The following STS variants were observed in gnomAD, a reference collection of about 807,000 sequenced individuals.
STS encodes the protein steroid sulfatase.
STS carries 7 observed loss-of-function variants against 26.8 expected under a neutral mutation model. The ratio of observed to expected loss-of-function variants is 0.26; its 90% CI spans 0.15 to 0.49. The LOEUF (loss-of-function observed/expected upper bound fraction) is 0.49, where lower values mean the gene tolerates loss of function less well. Among genes scored for constraint, STS ranks in the 20% least tolerant of loss-of-function variants. The probability of loss-of-function intolerance (pLI) is 0.98; values close to 1 mark genes in which losing one functional copy is unlikely to be tolerated. For synonymous variants in STS, 199 were observed against 189.4 expected (o/e 1.05, Z -0.42); for missense variants, 434 against 465.6 (o/e 0.93, Z 0.63).
At chrX:7,173,405 G>A (rs146227985) in intron 1 of STS, among the ~76,000 whole-genome samples, 8,101 of 111,223 alleles carry the variant, frequency 0.073, 241 homozygotes, top group Middle Eastern at 0.12. Context: ...GAACATACAC[G>A]TGCATGTATC....
intron 6 of STS, among the ~76,000 whole-genome samples, chrX:7,266,492 A>G (rs1389954800): frequency 2.7e-5 from 3 of 111,814 alleles, no homozygotes; most frequent in African/African-American, 6.5e-5. Context: ...AGAATGTATA[A>G]CCATCCACTC....
chrX:7,324,838 C>G (rs757821481), intron 8 of STS, among the ~76,000 whole-genome samples: 19 of 111,678 alleles, frequency 1.7e-4, no homozygotes, highest in Non-Finnish European at 2.8e-4. Flanking sequence ...ATATTAGATC[C>G]ACTCAGACAA....
intron 6 of STS, among the ~76,000 whole-genome samples, chrX:7,272,115 T>G (rs189139469): frequency 9.1e-6 from 1 of 109,546 alleles, no homozygotes; most frequent in East Asian, 2.9e-4. Flanking sequence ...CCAGAAAAAC[T>G]TATTAGTATT....
chrX:7,336,405 T>C (rs769014874), intron 10 of STS, among the ~76,000 whole-genome samples: 3 of 111,920 alleles, frequency 2.7e-5, no homozygotes, highest in Admixed American at 1.9e-4. Context: ...GCCTCTCTTT[T>C]ATTTTTACAA....
rs758868806 is a variant in STS at position 7,205,619 on chromosome X, G to A, written c.-5+14611G>A. On this transcript the variant is annotated intron_variant, in intron 2 of 10. Transcript: ENST00000674429. ...TTTTCTTTTTCTTTTCTTTTCTTTC[G>A]TTTTCTTTTCTTTTCTTTTTTCTTT... Among the ~76,000 whole-genome samples, 138 of 101,557 alleles carry A rather than the reference G, an allele frequency of 1.4e-3. 1 individual carries two copies. Among genetic ancestry groups the A allele is most frequent in the African/African-American group, 2.9e-3 (82 of 27,863 alleles). 88.2% of individuals were successfully genotyped at this position (101,557 alleles called of 115,157 possible). A position where few individuals can be genotyped will look rare whatever the true frequency, so the allele number is the denominator to read the frequency against.
intron 8 of STS, among the ~76,000 whole-genome samples, chrX:7,314,849 C>T (rs926484458): frequency 8.0e-5 from 9 of 111,990 alleles, no homozygotes; most frequent in African/African-American, 1.6e-4. Flanking sequence ...GATGTGGCCA[C>T]GGTGGGTAAC....
At chrX:7,191,695 G>A (rs546344747) in intron 2 of STS, among the ~76,000 whole-genome samples, 9 of 108,460 alleles carry the variant, frequency 8.3e-5, no homozygotes, top group East Asian at 3.0e-4. Context: ...GTCTCTCCCC[G>A]CAGGAAGTGC....
At chrX:7,275,742 G>C (rs1206374952) in intron 6 of STS, among the ~76,000 whole-genome samples, 1 of 110,969 alleles carries the variant, frequency 9.0e-6, no homozygotes, top group Non-Finnish European at 1.9e-5. Flanking sequence ...GATCCATAGA[G>C]GGTAACAATA....
chrX:7,209,379 A>G (rs2147036950), intron 2 of STS, among the ~76,000 whole-genome samples: 1 of 106,938 alleles, frequency 9.4e-6, no homozygotes, highest in Admixed American at 1.0e-4. Flanking sequence ...ATAATTTTAT[A>G]TATAAATGCA....
At chrX:7,168,555 T>C (rs1278006845) in intron 1 of STS, among the ~76,000 whole-genome samples, 1 of 111,640 alleles carries the variant, frequency 9.0e-6, no homozygotes, top group Non-Finnish European at 1.9e-5. Flanking sequence ...TCCCTCATAA[T>C]GTGTGGGCAG....
At chrX:7,247,230 A>G in intron 2 of STS, among the ~76,000 whole-genome samples, 1 of 112,459 alleles carries the variant, frequency 8.9e-6, no homozygotes, top group Non-Finnish European at 1.9e-5. Context: ...TTATTTGAAT[A>G]AATAAGAGTA....
rs183925128 is a variant in STS at position 7,236,988 on chromosome X, G to A, written c.-4-16208G>A. 3.9e-3 allele frequency among the ~76,000 whole-genome samples: 432 copies of A among 109,869 alleles called. 5 individuals are homozygous for A. The highest frequency in any genetic ancestry group is 0.027 in the Admixed American group (270 of 10,169). ...TTGCATGTTAAAGGAAACCACTCAA[G>A]TAAAAATCAAACAGCAAATTTACAT... is the stretch of plus-strand genomic sequence containing the variant. On this transcript the variant is annotated intron_variant, in intron 2 of 10. Transcript: ENST00000674429.
intron 1 of STS, among the ~76,000 whole-genome samples, chrX:7,170,688 G>A (rs977535308): frequency 9.1e-6 from 1 of 110,126 alleles, no homozygotes; most frequent in Non-Finnish European, 1.9e-5. Context: ...GTCTCACTAT[G>A]TTGCTCATGC....
chrX:7,325,628 T>A, intron 9 of STS, 130 bp downstream of exon 9: 1 of 768,454 alleles, frequency 1.3e-6, no homozygotes, highest in Non-Finnish European at 2.0e-6. Flanking sequence ...AAATCACAGG[T>A]TTGAGGCAGG....
chrX:7,210,919 A>G (rs1921011146), intron 2 of STS, among the ~76,000 whole-genome samples: 1 of 111,011 alleles, frequency 9.0e-6, no homozygotes. Context: ...TTATATATAT[A>G]TGTATGTATG....
At chrX:7,348,967 G>A (rs1928645580) in intron 10 of STS, among the ~76,000 whole-genome samples, 1 of 109,410 alleles carries the variant, frequency 9.1e-6, no homozygotes. Context: ...GTTTATTTTT[G>A]TGGGTTTGTT....
chrX:7,341,320 G>A lies in STS; in HGVS notation c.1363+7213G>A, dbSNP rs112716708. ...CTGTGCCCCCATGCACTGAGTCCACGATTCATCCACATCCTCTTATTCCCC... is the reference window on the plus strand; with the variant it reads ...CTGTGCCCCCATGCACTGAGTCCACAATTCATCCACATCCTCTTATTCCCC... On this transcript the variant is annotated intron_variant, in intron 10 of 10. Coordinates refer to ENST00000674429, the MANE Select transcript of STS (RefSeq NM_001320752.2). Among the ~76,000 whole-genome samples, 305 of 111,264 alleles carry A rather than the reference G, an allele frequency of 2.7e-3. 1 individual carries two copies. The highest frequency in any genetic ancestry group is 9.7e-3 in the African/African-American group (296 of 30,584).
At chrX:7,214,689 C>G (rs1921168094) in intron 2 of STS, among the ~76,000 whole-genome samples, 1 of 108,837 alleles carries the variant, frequency 9.2e-6, no homozygotes, top group South Asian at 4.0e-4. Context: ...TCTTATCACT[C>G]ACCCCCTTCT....
chrX:7,188,476 G>A (rs1470043552), intron 1 of STS, among the ~76,000 whole-genome samples: 2 of 112,025 alleles, frequency 1.8e-5, no homozygotes, highest in African/African-American at 3.2e-5. Flanking sequence ...TCTGTTCCTG[G>A]TGGGGTAAAA....
Sources: gnomAD v4.1 joint callset for allele counts (sites outside exome capture counted in the v4.1 genomes callset) on GRCh38, gnomAD v4.1.1 for gene constraint, MANE v1.5 for transcripts, NCBI Gene and HGNC (gene_info 2026-07-23, HGNC 2026-07-21) for gene names.